RELCH: variants seen among roughly 807,000 people sequenced by gnomAD.
RELCH encodes RAB11-binding protein RELCH.
A neutral mutation model predicts 150.3 loss-of-function variants in RELCH; 41 were observed. That is an observed-to-expected ratio of 0.27 (90% CI 0.21 to 0.35). The LOEUF is 0.35. Among genes scored for constraint, RELCH ranks in the 10% least tolerant of loss-of-function variants. RELCH has a pLI of 1.00. For synonymous variants in RELCH, 478 were observed against 531.8 expected (o/e 0.90, Z 1.39); for missense variants, 1,092 against 1,467.8 (o/e 0.74, Z 4.18).
At chr18:62,215,195 T>C (rs1434161751) in intron 2 of RELCH, among the ~76,000 whole-genome samples, 1 of 152,154 alleles carries the variant, frequency 6.6e-6, no homozygotes, top group Non-Finnish European at 1.5e-5. Context: ...TCTACCCAAA[T>C]TGGCAGAAGC....
At chr18:62,269,188 T>C (rs1369691166) in intron 20 of RELCH, among the ~76,000 whole-genome samples, 2 of 152,158 alleles carry the variant, frequency 1.3e-5, no homozygotes, top group Non-Finnish European at 2.9e-5. Flanking sequence ...AAGTGTTAGA[T>C]TGTACTTACT....
intron 10 of RELCH, among the ~76,000 whole-genome samples, chr18:62,239,100 G>A (rs2042014453): frequency 6.6e-6 from 1 of 152,114 alleles, no homozygotes; most frequent in Admixed American, 6.6e-5. Context: ...TAGATAGGAA[G>A]TTTTGACTCC....
chr18:62,259,510 A>G (rs1568393584), intron 15 of RELCH, among the ~76,000 whole-genome samples: 1 of 151,908 alleles, frequency 6.6e-6, no homozygotes, highest in African/African-American at 2.4e-5. Flanking sequence ...AAAGATATCC[A>G]TATTTAGTTG....
intron 1 of RELCH, among the ~76,000 whole-genome samples, chr18:62,191,752 C>T (rs1470814052): frequency 6.6e-6 from 1 of 152,130 alleles, no homozygotes; most frequent in Non-Finnish European, 1.5e-5. Flanking sequence ...GCATAGTATT[C>T]CATGGTGTGC....
intron 18 of RELCH, among the ~76,000 whole-genome samples, 159 bp downstream of exon 18, chr18:62,265,011 G>A (rs567971856): frequency 6.6e-6 from 1 of 152,118 alleles, no homozygotes; most frequent in South Asian, 2.1e-4. Flanking sequence ...GTTCTAGTTG[G>A]TAATATTCTT....
At chr18:62,220,743 A>C in intron 2 of RELCH, 1 of 353,844 alleles carries the variant, frequency 2.8e-6, no homozygotes, top group Admixed American at 4.8e-5. Flanking sequence ...TTATTTATCT[A>C]AATGAGAGTA....
chr18:62,194,995 A>G (rs2038922288), intron 1 of RELCH, among the ~76,000 whole-genome samples: 2 of 152,152 alleles, frequency 1.3e-5, no homozygotes, highest in Admixed American at 6.5e-5. Flanking sequence ...TGTACTTTTA[A>G]ACATACTTTA....
Position 62,263,981 on chromosome 18 carries a change from A to G in RELCH, c.2351-8A>G. On this transcript the variant is annotated splice_polypyrimidine_tract_variant and splice_region_variant and intron_variant, in intron 16 of 28. Coordinates refer to ENST00000644646, the MANE Select transcript of RELCH (RefSeq NM_001346231.2). ...CCATATGATTTATTTTGCTTCTTTTATGTGTAGTGACTAGGTTTCCTCGGC... is the reference window on the plus strand; with the variant it reads ...CCATATGATTTATTTTGCTTCTTTTGTGTGTAGTGACTAGGTTTCCTCGGC... 2 of 1,602,604 alleles carry G rather than the reference A, an allele frequency of 1.2e-6. No homozygotes were observed. The highest frequency in any genetic ancestry group is 1.7e-6 in the Non-Finnish European group (2 of 1,175,390).
intron 22 of RELCH, among the ~76,000 whole-genome samples, chr18:62,278,745 G>A (rs1056259051): frequency 1.3e-5 from 2 of 152,074 alleles, no homozygotes; most frequent in Non-Finnish European, 2.9e-5. Context: ...CAAACAAAAT[G>A]TATACGGCTC....
At chr18:62,274,399 AG>A (rs1047089473) in intron 21 of RELCH, among the ~76,000 whole-genome samples, 7 of 152,232 alleles carry the variant, frequency 4.6e-5, no homozygotes, top group African/African-American at 1.4e-4. Context: ...GAACTGAAAA[AG>A]GAGCCCCAAG....
rs2043105425 is a variant in RELCH, at chr18:62,258,668, C to T, written c.2194C>T (p.Leu732Phe). 2 of 1,582,160 alleles carry T rather than the reference C, an allele frequency of 1.3e-6. No homozygotes were observed. Among genetic ancestry groups the T allele is most frequent in the South Asian group, 1.2e-5 (1 of 85,422 alleles). The change falls in exon 15 of 29, where the codon CTT becomes TTT. Residue 732 changes from leucine to phenylalanine, a missense_variant. Leu to Phe is a conservative substitution (Grantham distance 22, BLOSUM62 0). Coordinates refer to ENST00000644646, the MANE Select transcript of RELCH (RefSeq NM_001346231.2). ...ILTLLNKIEK[L>F]LREGEHGLDE... Reference sequence around the variant, plus strand: ...TACACTACTGAACAAGATTGAAAAACTTCTCAGGGTAAGTTCTTCTTTTGT... The same window carrying T: ...TACACTACTGAACAAGATTGAAAAATTTCTCAGGGTAAGTTCTTCTTTTGT...
At chr18:62,294,354 TG>T (rs1274573812) in intron 27 of RELCH, among the ~76,000 whole-genome samples, 1 of 152,218 alleles carries the variant, frequency 6.6e-6, no homozygotes, top group Non-Finnish European at 1.5e-5. Context: ...TTCTTATGTT[TG>T]CCAACACTTG....
In RELCH at chr18:62,257,432, T is replaced by C. The variant is rs987769631; in HGVS notation, c.1897-516T>C. Reference sequence around the variant, plus strand: ...AATAGGAATGCCAGGATTTTAGGTTTCCTCACCATATCCCAGACAAATTTT... The same window carrying C: ...AATAGGAATGCCAGGATTTTAGGTTCCCTCACCATATCCCAGACAAATTTT... On this transcript the variant is annotated intron_variant, in intron 13 of 28. Coordinates refer to ENST00000644646, the MANE Select transcript of RELCH (RefSeq NM_001346231.2). 3.9e-5 allele frequency among the ~76,000 whole-genome samples: 6 copies of C among 152,226 alleles called. No homozygotes were observed. In the East Asian group the frequency reaches 1.2e-3, roughly 29 times the overall value.
intron 2 of RELCH, among the ~76,000 whole-genome samples, chr18:62,215,302 C>T (rs2040415970): frequency 6.6e-6 from 1 of 152,128 alleles, no homozygotes; most frequent in African/African-American, 2.4e-5. Flanking sequence ...TAAGAACAAA[C>T]ATCTGTATTA....
chr18:62,297,475 T>TA (rs199533473), intron 27 of RELCH, among the ~76,000 whole-genome samples: 6,856 of 149,770 alleles, frequency 0.046, 184 homozygotes, highest in South Asian at 0.073. Flanking sequence ...GCAAGGAGGA[T>TA]AAAAAAAAAT....
In RELCH at chr18:62,211,175, C is replaced by G; in HGVS notation, c.549C>G (p.Thr183=). 1.2e-6 allele frequency: 2 copies of G among 1,604,482 alleles called. No individual in the cohort carries two copies. Among genetic ancestry groups the G allele is most frequent in the Non-Finnish European group, 1.7e-6 (2 of 1,172,656 alleles). ...GQLNRAGSIS[T]LDSLDFARYS... The stretch of plus-strand genomic sequence containing the variant: ...TAGATCGAGCTGGGAGCATTAGTAC[C>G]CTTGATTCTTTAGACTTTGCAAGAT... The change falls in exon 2 of 29, where the codon ACC becomes ACG. Residue 183 remains threonine, a synonymous_variant. Transcript: ENST00000644646.
chr18:62,246,146 A>G (rs2042399702), intron 11 of RELCH: 2 of 152,342 alleles, frequency 1.3e-5, no homozygotes, highest in South Asian at 4.1e-4. Flanking sequence ...ATAAAAGCTC[A>G]AAATGCAGAT....
At chr18:62,260,292 A>C (rs62094284) in intron 15 of RELCH, among the ~76,000 whole-genome samples, 24,140 of 150,776 alleles carry the variant, frequency 0.16, 2,612 homozygotes, top group Middle Eastern at 0.27. Context: ...AGTGTTTAAC[A>C]TCACTAATCA....
At chr18:62,210,925 T>C (rs2040119844) in intron 1 of RELCH, among the ~76,000 whole-genome samples, 1 of 152,194 alleles carries the variant, frequency 6.6e-6, no homozygotes, top group African/African-American at 2.4e-5. Flanking sequence ...CAATATTCCC[T>C]GTGTGTGCAT....
Sources: gnomAD v4.1 joint callset for allele counts (sites outside exome capture counted in the v4.1 genomes callset) on GRCh38, gnomAD v4.1.1 for gene constraint, MANE v1.5 for transcripts, NCBI Gene and HGNC (gene_info 2026-07-23, HGNC 2026-07-21) for gene names.